The following CELF3 variants were observed in gnomAD, a reference collection of about 807,000 sequenced individuals.
The protein encoded by CELF3 is CUGBP Elav-like family member 3, also known as CAG repeat domain.
CELF3 carries 26 observed loss-of-function variants against 59.6 expected under a neutral mutation model. That is an observed-to-expected ratio of 0.44 (90% confidence interval 0.32 to 0.61). The LOEUF (loss-of-function observed/expected upper bound fraction) is 0.61. Ranked by LOEUF, CELF3 falls within the 20% of genes least tolerant of loss-of-function variation. The pLI, the probability that CELF3 is intolerant of heterozygous loss-of-function variation, is 0.06. For missense variants in CELF3, 387 were observed against 627.2 expected (o/e 0.62, Z 4.09); for synonymous variants, 245 against 250.7 (o/e 0.98, Z 0.22).
At chr1:151,712,731 T>C (rs188567695) in intron 2 of CELF3, among the ~76,000 whole-genome samples, 202 of 152,274 alleles carry the variant, frequency 1.3e-3, no homozygotes, top group African/African-American at 4.8e-3. Flanking sequence ...GCCCAAAATA[T>C]CACCCTAGTA....
In CELF3 at chr1:151,706,711, C is replaced by T. The variant is rs1447370914; in HGVS notation, c.946G>A (p.Asp316Asn). The change falls in exon 9 of 13, where the codon GAC (aspartate) becomes AAC (asparagine). Residue 316 changes from aspartate (D) to asparagine (N), a missense_variant. This residue lies in a region of CELF3 where 131 missense variants were observed against 153.7 expected (regional missense o/e 0.85). Transcript: ENST00000290583. ...CCCGCGTAGGCCTGCTGCAGGGGGT[C>T]CACGGGGGCCGCGGGGCTCTGGGCT... The part of the protein sequence containing the change: ...YPAQSPAAPV[D>N]PLQQAYAGMQ... 6.4e-7 allele frequency: 1 copy of T among 1,550,818 alleles called. No homozygotes were observed. The highest frequency in any genetic ancestry group is 8.7e-7 in the Non-Finnish European group (1 of 1,146,680).
rs1468143465 is a variant in CELF3 at position 151,703,364 on chromosome 1, A to G, written c.*95T>C. On this transcript the variant is annotated 3_prime_UTR_variant, in exon 13 of 13. Coordinates refer to ENST00000290583, the MANE Select transcript of CELF3 (RefSeq NM_007185.7). ...GCAGCGTTTGCCCCAGAACCCAGTC[A>G]AGGCCCAGGGCAGGTGTGCGGAGAG... The G allele has an allele frequency of 1.1e-5, 5 of 437,784 alleles. No individual in the cohort carries two copies. The highest frequency in any genetic ancestry group is 2.3e-5 in the Non-Finnish European group (5 of 217,390). 27.1% of individuals were successfully genotyped at this position (437,784 alleles called of 1,614,324 possible).
At chr1:151,715,698 G>C (rs1365655608) in intron 1 of CELF3, 178 bp downstream of exon 1, 1 of 1,543,042 alleles carries the variant, frequency 6.5e-7, no homozygotes, top group Non-Finnish European at 8.7e-7. Context: ...TCCTTCACCG[G>C]GGTTTCCTGA....
At position 151,716,027 on chromosome 1, in the gene CELF3, G is replaced by A. The variant is rs769233873; in HGVS notation, c.-7C>T. On this transcript the variant is annotated 5_prime_UTR_variant, in exon 1 of 13. Coordinates refer to ENST00000290583, the MANE Select transcript of CELF3 (RefSeq NM_007185.7). ...TGGCATCCGGCTCCTTCATTGAGGC[G>A]GCCCAGGAGGAGGGGCCGAGGGGAG... 9.3e-6 allele frequency: 15 copies of A among 1,607,628 alleles called. No homozygotes were observed. Among genetic ancestry groups the A allele is most frequent in the Middle Eastern group, 1.7e-4 (1 of 6,056 alleles).
chr1:151,705,170 T>C lies in CELF3; in HGVS notation c.1271-2A>G. On this transcript the variant is annotated splice_acceptor_variant, in intron 11 of 12. Coordinates refer to ENST00000290583, the MANE Select transcript of CELF3 (RefSeq NM_007185.7). LOFTEE classifies it high-confidence loss of function. This position sits in a 1 kb window ranked among gnomAD's most constrained non-coding sequence, Gnocchi z 5.1. ...CCGGATTGTCGAAACTCACAAAGCCTGGGGTGAGAGGGGCATAAGGCCCGG... is the reference window on the plus strand; with the variant it reads ...CCGGATTGTCGAAACTCACAAAGCCCGGGGTGAGAGGGGCATAAGGCCCGG... 1 of 1,611,904 alleles carries C rather than the reference T, an allele frequency of 6.2e-7. No individual in the cohort carries two copies. The highest frequency in any genetic ancestry group is 8.5e-7 in the Non-Finnish European group (1 of 1,178,480).
At chr1:151,704,185 C>T (rs949602695) in intron 12 of CELF3, among the ~76,000 whole-genome samples, 9 of 151,892 alleles carry the variant, frequency 5.9e-5, no homozygotes, top group Non-Finnish European at 1.0e-4. Context: ...TGGACACGGG[C>T]CCTGGGCTGG....
Position 151,705,110 on chromosome 1 carries a change from G to A in CELF3, c.1329C>T (p.Gly443=). 1 of 1,614,042 alleles carries A rather than the reference G, an allele frequency of 6.2e-7. No individual in the cohort carries two copies. The highest frequency in any genetic ancestry group is 8.5e-7 in the Non-Finnish European group (1 of 1,179,902). Residue 443 remains glycine (G), a synonymous_variant, in exon 12 of 13, where the codon GGC becomes GGT. Coordinates refer to ENST00000290583, the MANE Select transcript of CELF3 (RefSeq NM_007185.7). The surrounding 1 kb of genome is among the most constrained non-coding windows in gnomAD (Gnocchi z 5.1). ...SAQAAIQAMN[G]FQIGMKRLKV... ...TGAGGCGCTTCATGCCGATCTGGAAGCCATTCATGGCCTGGATGGCAGCCT... is the reference window on the plus strand; with the variant it reads ...TGAGGCGCTTCATGCCGATCTGGAAACCATTCATGGCCTGGATGGCAGCCT...
At chr1:151,706,201 T>A in intron 10 of CELF3, 23 bp downstream of exon 10, 1 of 1,611,590 alleles carries the variant, frequency 6.2e-7, no homozygotes, top group Non-Finnish European at 8.5e-7. Context: ...GGCATTCCTG[T>A]CTCCCAAGGC....
chr1:151,707,776 C>G lies in CELF3; in HGVS notation c.630+16G>C. ...GGGGTCAGGAGGGCTGGCCCGGCATCAGGGGCAGTGCTCACGGCCTGGGTG... is the reference window on the plus strand; with the variant it reads ...GGGGTCAGGAGGGCTGGCCCGGCATGAGGGGCAGTGCTCACGGCCTGGGTG... On this transcript the variant is annotated intron_variant, in intron 6 of 12. Transcript: ENST00000290583. 6.2e-7 allele frequency: 1 copy of G among 1,608,906 alleles called. No homozygotes were observed. Among genetic ancestry groups the G allele is most frequent in the Non-Finnish European group, 8.5e-7 (1 of 1,175,980 alleles).
chr1:151,707,404 C>T (rs1404981496), intron 7 of CELF3, 103 bp downstream of exon 7: 10 of 1,545,838 alleles, frequency 6.5e-6, no homozygotes, highest in Non-Finnish European at 8.8e-6. Context: ...CTCTCTGACC[C>T]CTGAGTCCCT....
chr1:151,712,480 T>C (rs956889242), intron 2 of CELF3, among the ~76,000 whole-genome samples: 1 of 152,208 alleles, frequency 6.6e-6, no homozygotes, highest in Non-Finnish European at 1.5e-5. Flanking sequence ...TCCACCTTCC[T>C]GACTGCAGAC....
chr1:151,715,324 C>G (rs1344854076), intron 1 of CELF3, among the ~76,000 whole-genome samples: 1 of 152,070 alleles, frequency 6.6e-6, no homozygotes, highest in Non-Finnish European at 1.5e-5. Context: ...ACTCTCTTAA[C>G]TTTCTAAGCC....
intron 12 of CELF3, among the ~76,000 whole-genome samples, chr1:151,704,061 C>T (rs1045102653): frequency 6.6e-6 from 1 of 152,172 alleles, no homozygotes; most frequent in Admixed American, 6.5e-5. Flanking sequence ...GGGTGCTTCC[C>T]TCCGCGGCCC....
chr1:151,706,001 G>T, intron 10 of CELF3, 36 bp from the exon 11 acceptor site: 2 of 1,611,944 alleles, frequency 1.2e-6, no homozygotes, highest in Non-Finnish European at 1.7e-6. Flanking sequence ...AGAGCTCAGT[G>T]ACTGGGAGGC....
In CELF3 at chr1:151,700,936, ATTTGGGGC is replaced by A; in HGVS notation, c.*2515_*2522del. 1 of 152,334 alleles carries A rather than the reference ATTTGGGGC, an allele frequency of 6.6e-6. No homozygotes were observed. The highest frequency in any genetic ancestry group is 2.4e-5 in the African/African-American group (1 of 41,572). 9.4% of individuals were successfully genotyped at this position (152,334 alleles called of 1,614,324 possible). On this transcript the variant is annotated 3_prime_UTR_variant, in exon 13 of 13. Coordinates refer to ENST00000290583, the MANE Select transcript of CELF3 (RefSeq NM_007185.7). ...TCTTATTTACTAAGCAATGTCTAATATTTGGGGCACTGTTTAGGGTGACCAGGATACAG... is the reference window on the plus strand; with the variant it reads ...TCTTATTTACTAAGCAATGTCTAATAACTGTTTAGGGTGACCAGGATACAG...
Position 151,715,905 on chromosome 1 carries a change from A to T in CELF3, c.116T>A (p.Ile39Asn). 6.2e-7 allele frequency: 1 copy of T among 1,613,960 alleles called. No individual in the cohort carries two copies. Among genetic ancestry groups the T allele is most frequent in the African/African-American group, 1.3e-5 (1 of 74,986 alleles). Residue 39 changes from isoleucine to asparagine, a missense_variant, in exon 1 of 13, where the codon ATC (isoleucine) becomes AAC (asparagine). By Grantham distance (149) the Ile-to-Asn change is moderately radical. This residue lies in a region of CELF3 where 208 missense variants were observed against 354.8 expected (regional missense o/e 0.59). Transcript: ENST00000290583. ...GTGCAGCCCGGTGTACTTGTCCTTGATGACAGTCAGCTCAAAGATCCGACC... is the reference window on the plus strand; with the variant it reads ...GTGCAGCCCGGTGTACTTGTCCTTGTTGACAGTCAGCTCAAAGATCCGACC... ...QFGRIFELTV[I>N]KDKYTGLHKG...
chr1:151,714,435 T>G, intron 2 of CELF3, 159 bp downstream of exon 2: 1 of 697,624 alleles, frequency 1.4e-6, no homozygotes, highest in South Asian at 1.6e-5. Flanking sequence ...AAGAAATGCA[T>G]GCATCTACAG....
At chr1:151,715,464 C>T (rs1036522769) in intron 1 of CELF3, among the ~76,000 whole-genome samples, 5 of 152,088 alleles carry the variant, frequency 3.3e-5, no homozygotes, top group African/African-American at 1.2e-4. Flanking sequence ...GACCCTGTGT[C>T]CTGACCCCCA....
In CELF3 at chr1:151,707,924, G is replaced by T. The variant is rs542521446; in HGVS notation, c.498C>A (p.Ser166=). Residue 166 remains serine, a synonymous_variant, in exon 6 of 13, where the codon TCC becomes TCA. Transcript: ENST00000290583. ...HSSRTLPGAS[S]SLVVKFADTE... is the part of the protein sequence containing the mutation. ...TGTCAGCAAACTTCACCACCAGGCTGGACGAGGCACCCTGGGCACGGGCCC... is the reference window on the plus strand; with the variant it reads ...TGTCAGCAAACTTCACCACCAGGCTTGACGAGGCACCCTGGGCACGGGCCC... 1.9e-6 allele frequency: 3 copies of T among 1,612,348 alleles called. No individual in the cohort carries two copies. In the Admixed American group the frequency reaches 5.0e-5, roughly 27 times the overall value.
Sources: allele counts gnomAD v4.1 joint callset (sites outside exome capture counted in the v4.1 genomes callset), GRCh38; gene constraint gnomAD v4.1.1; regional missense constraint gnomAD v4.1.1; non-coding constraint Gnocchi (gnomAD v3.1); transcripts MANE v1.5; gene names NCBI Gene and HGNC (gene_info 2026-07-23, HGNC 2026-07-21).